PLEKHG3: variants seen among roughly 807,000 people sequenced by gnomAD.
PLEKHG3 encodes pleckstrin homology domain-containing family G member 3.
In PLEKHG3, 62 loss-of-function variants were observed where a neutral mutation model predicts 94.9. The ratio of observed to expected loss-of-function variants is 0.65; its 90% CI spans 0.53 to 0.81. The LOEUF is 0.81. Ranked by LOEUF, PLEKHG3 falls within the 30% of genes least tolerant of loss-of-function variation. PLEKHG3 has a pLI of 0.00. For missense variants in PLEKHG3, 1,461 were observed against 1,619.3 expected, an observed-to-expected ratio of 0.90 and a Z score of 1.68; for synonymous variants, 614 against 654.0, an observed-to-expected ratio of 0.94 and a Z score of 0.93.
Position 64,730,311 on chromosome 14 carries a change from G to A in PLEKHG3, c.518G>A (p.Arg173Lys). 1 of 1,528,568 alleles carries A rather than the reference G, an allele frequency of 6.5e-7. No homozygotes were observed. Among genetic ancestry groups the A allele is most frequent in the Non-Finnish European group, 8.8e-7 (1 of 1,140,034 alleles). 94.7% of individuals were successfully genotyped at this position (1,528,568 alleles called of 1,614,324 possible). A position where few individuals can be genotyped will look rare whatever the true frequency, so the allele number is the denominator to read the frequency against. ...GCTGTGGCCAGCTGCTTTGTGGAAA[G>A]GGTAAGAAGGGCTGGGTCCTTGCCT... ...PVAVASCFVE[R>K]SQEFDIYTQY... Residue 173 changes from arginine (R) to lysine (K), a missense_variant and splice_region_variant, in exon 4 of 17, where the codon AGG (arginine) becomes AAG (lysine). This residue lies in a region of PLEKHG3 where 253 missense variants were observed against 297.8 expected (regional missense o/e 0.85). Transcript: ENST00000247226. This position sits in a 1 kb window ranked among gnomAD's most constrained non-coding sequence, Gnocchi z 5.4.
Position 64,730,986 on chromosome 14 carries a change from G to A in PLEKHG3, c.717+37G>A, listed in dbSNP as rs969791608. Reference sequence around the variant, plus strand: ...GTCCTCCCAAGCACCTAGGGCCTGGGGAGGGCAGGGCCTTCGGGTCAGGGG... The same window carrying A: ...GTCCTCCCAAGCACCTAGGGCCTGGAGAGGGCAGGGCCTTCGGGTCAGGGG... On this transcript the variant is annotated intron_variant, in intron 6 of 16. Transcript: ENST00000247226. The surrounding 1 kb of genome is among the most constrained non-coding windows in gnomAD (Gnocchi z 5.4). The A allele has an allele frequency of 5.0e-6, 8 of 1,613,564 alleles. No homozygotes were observed. In the African/African-American group the frequency reaches 1.1e-4, roughly 22 times the overall value.
Position 64,743,958 on chromosome 14 carries a change from T to C in PLEKHG3, c.*255T>C, listed in dbSNP as rs2081775708. 2 of 377,902 alleles carry C rather than the reference T, an allele frequency of 5.3e-6. No individual in the cohort carries two copies. The highest frequency in any genetic ancestry group is 8.8e-5 in the East Asian group (2 of 22,834). 23.4% of individuals were successfully genotyped at this position (377,902 alleles called of 1,614,324 possible). A position where few individuals can be genotyped will look rare whatever the true frequency, so the allele number is the denominator to read the frequency against. ...GCTTCCCTTGTAAATAGTTGTTCTC[T>C]GGTAAGAAGCCAAATATTTAAGCTC... On this transcript the variant is annotated 3_prime_UTR_variant, in exon 17 of 17. Transcript: ENST00000247226. The surrounding 1 kb of genome is among the most constrained non-coding windows in gnomAD (Gnocchi z 7.2).
In PLEKHG3 at chr14:64,721,656, C is replaced by G. The variant is rs2081264086; in HGVS notation, c.-39-5937C>G. Among the ~76,000 whole-genome samples the G allele has an allele frequency of 6.6e-6, 1 of 152,184 alleles. No homozygotes were observed. The highest frequency in any genetic ancestry group is 6.5e-5 in the Admixed American group (1 of 15,284). The stretch of plus-strand genomic sequence containing the variant: ...GCTCACATGCACACAAAGTCACTCC[C>G]CGGGGAGCCTTCTCTCGCGCTTTAT... On this transcript the variant is annotated intron_variant, in intron 1 of 16. Coordinates refer to ENST00000247226, the MANE Select transcript of PLEKHG3 (RefSeq NM_001308147.2). The surrounding 1 kb of genome is among the most constrained non-coding windows in gnomAD (Gnocchi z 4.3).
In PLEKHG3 at chr14:64,725,097, G is replaced by A. The variant is rs530387360; in HGVS notation, c.-39-2496G>A. 5.3e-5 allele frequency among the ~76,000 whole-genome samples: 8 copies of A among 152,338 alleles called. No individual in the cohort carries two copies. The highest frequency in any genetic ancestry group is 4.1e-4 in the South Asian group (2 of 4,826). On this transcript the variant is annotated intron_variant, in intron 1 of 16. Transcript: ENST00000247226. The surrounding 1 kb of genome is among the most constrained non-coding windows in gnomAD (Gnocchi z 5.0). ...AAAAGACATATTAGTTTCTGGGTTT[G>A]AAGTGTGCTTATGTTGCTATCCTCT...
chr14:64,749,379 A>G lies in PLEKHG3; in HGVS notation c.*5676A>G. The G allele has an allele frequency of 6.2e-7, 1 of 1,610,090 alleles. No individual in the cohort carries two copies. The highest frequency in any genetic ancestry group is 8.5e-7 in the Non-Finnish European group (1 of 1,179,768). Reference sequence around the variant, plus strand: ...GCCGAGGCTGGCGTCGGGGCCGGAGAGGGAAGGCAGGGGCAGGCTCTGCGC... The same window carrying G: ...GCCGAGGCTGGCGTCGGGGCCGGAGGGGGAAGGCAGGGGCAGGCTCTGCGC... On this transcript the variant is annotated 3_prime_UTR_variant, in exon 17 of 17. Coordinates refer to ENST00000247226, the MANE Select transcript of PLEKHG3 (RefSeq NM_001308147.2). This position sits in a 1 kb window ranked among gnomAD's most constrained non-coding sequence, Gnocchi z 4.7.
At chr14:64,734,561 G>A (rs1488529711) in intron 12 of PLEKHG3, among the ~76,000 whole-genome samples, 2 of 152,100 alleles carry the variant, frequency 1.3e-5, no homozygotes, top group Non-Finnish European at 2.9e-5. Flanking sequence ...CAAACTTTAG[G>A]TGTCCAAGGC....
chr14:64,741,762 C>T lies in PLEKHG3; in HGVS notation c.2245C>T (p.Leu749=), dbSNP rs983703173. The change falls in exon 16 of 17, where the codon CTG becomes TTG. Residue 749 remains leucine, a synonymous_variant. Coordinates refer to ENST00000247226, the MANE Select transcript of PLEKHG3 (RefSeq NM_001308147.2). The part of the protein sequence containing the change: ...RESLSYIPKG[L]VRNSISRFNS... ...GAGCCTCTCCTACATCCCCAAAGGA[C>T]TGGTAAGAAACTCCATCTCCAGGTT... 1 of 1,613,334 alleles carries T rather than the reference C, an allele frequency of 6.2e-7. No individual in the cohort carries two copies. Among genetic ancestry groups the T allele is most frequent in the Non-Finnish European group, 8.5e-7 (1 of 1,180,032 alleles).
chr14:64,741,706 A>G lies in PLEKHG3; in HGVS notation c.2189A>G (p.His730Arg), dbSNP rs756554208. 10 of 1,612,924 alleles carry G rather than the reference A, an allele frequency of 6.2e-6. No homozygotes were observed. The highest frequency in any genetic ancestry group is 8.5e-6 in the Non-Finnish European group (10 of 1,180,030). ...AGCTATTATGAAAATGCAGAACACC[A>G]TGATGCAGGCTTCAGCGTCCGTCGC... is the stretch of plus-strand genomic sequence containing the variant. ...IKSYYENAEH[H>R]DAGFSVRRRE... Residue 730 changes from histidine (H) to arginine (R), a missense_variant, in exon 16 of 17, where the codon CAT (histidine) becomes CGT (arginine). Around this residue, in one of 3 missense-constraint regions of PLEKHG3, gnomAD observed 1,201 missense variants for 1,295.5 expected, o/e 0.93. Coordinates refer to ENST00000247226, the MANE Select transcript of PLEKHG3 (RefSeq NM_001308147.2).
rs3063751 is a variant in PLEKHG3 at position 64,717,112 on chromosome 14, C to CGT, written c.-39-10445_-39-10444dup. Among the ~76,000 whole-genome samples the CGT allele has an allele frequency of 0.2, 28,558 of 144,176 alleles. 3,085 individuals carry two copies. The highest frequency in any genetic ancestry group is 0.32 in the East Asian group (1,528 of 4,830). The allele number at this position is 144,176 out of a possible 152,430, so 94.6% of individuals were successfully genotyped here. On this transcript the variant is annotated intron_variant, in intron 1 of 16. Transcript: ENST00000247226. The surrounding 1 kb of genome is among the most constrained non-coding windows in gnomAD (Gnocchi z 4.7). ...GGCTGGCCGCCTTTGGGAATTTACA[C>CGT]GTGTGTGTGTGTGTGTGTGTGTGTG...
At position 64,728,386 on chromosome 14, in the gene PLEKHG3, C is replaced by T. The variant is rs934672131; in HGVS notation, c.351+404C>T. ...ACACCTACCTTGTAGGTGAAGGGCA[C>T]GGAAGGGCAGCTGTGTGGCTGCCAC... is the stretch of plus-strand genomic sequence containing the variant. On this transcript the variant is annotated intron_variant, in intron 2 of 16. Coordinates refer to ENST00000247226, the MANE Select transcript of PLEKHG3 (RefSeq NM_001308147.2). This position sits in a 1 kb window ranked among gnomAD's most constrained non-coding sequence, Gnocchi z 5.9. Among the ~76,000 whole-genome samples the T allele has an allele frequency of 1.3e-5, 2 of 152,250 alleles. No homozygotes were observed. The highest frequency in any genetic ancestry group is 2.9e-5 in the Non-Finnish European group (2 of 68,046).
At chr14:64,705,766 C>A (rs1193496087) in intron 1 of PLEKHG3, among the ~76,000 whole-genome samples, 1 of 152,232 alleles carries the variant, frequency 6.6e-6, no homozygotes, top group African/African-American at 2.4e-5. Flanking sequence ...TTTTCCGGGC[C>A]ATCCTTTGTT....
At chr14:64,735,229 C>T (rs927608331) in intron 12 of PLEKHG3, among the ~76,000 whole-genome samples, 3 of 152,154 alleles carry the variant, frequency 2.0e-5, no homozygotes, top group African/African-American at 4.8e-5. Flanking sequence ...CCCCTCTTCA[C>T]GGTTCTTCTG....
rs189688774 is a variant in PLEKHG3 at position 64,704,947 on chromosome 14, C to T, written c.-40+243C>T. Among the ~76,000 whole-genome samples the T allele has an allele frequency of 5.1e-3, 782 of 152,260 alleles. 4 individuals carry two copies. The highest frequency in any genetic ancestry group is 0.018 in the African/African-American group (738 of 41,550). On this transcript the variant is annotated intron_variant, in intron 1 of 16. Coordinates refer to ENST00000247226, the MANE Select transcript of PLEKHG3 (RefSeq NM_001308147.2). The surrounding 1 kb of genome is among the most constrained non-coding windows in gnomAD (Gnocchi z 5.6). ...GGAGACTTTTTCTGTCTTTTTTTCC[C>T]TCCACTCCGGAAACAAAAGGGGCAA... is the stretch of plus-strand genomic sequence containing the variant.
chr14:64,725,207 T>C lies in PLEKHG3; in HGVS notation c.-39-2386T>C, dbSNP rs145633297. ...AATGGTGTGTGTGTTGGGGTAGGGG[T>C]GGGGCTGTGAGTAATCTTTTGCTTT... On this transcript the variant is annotated intron_variant, in intron 1 of 16. Coordinates refer to ENST00000247226, the MANE Select transcript of PLEKHG3 (RefSeq NM_001308147.2). The surrounding 1 kb of genome is among the most constrained non-coding windows in gnomAD (Gnocchi z 5.0). 4.9e-3 allele frequency among the ~76,000 whole-genome samples: 741 copies of C among 152,178 alleles called. 8 individuals carry two copies. Among genetic ancestry groups the C allele is most frequent in the African/African-American group, 0.017 (714 of 41,512 alleles).
intron 12 of PLEKHG3, among the ~76,000 whole-genome samples, chr14:64,735,348 A>G (rs965949203): frequency 1.3e-4 from 20 of 152,252 alleles, no homozygotes; most frequent in African/African-American, 4.6e-4. Flanking sequence ...GTGGTGGCTC[A>G]CTCCTGTAAT....
At position 64,712,356 on chromosome 14, in the gene PLEKHG3, CA is replaced by C. The variant is rs34815337; in HGVS notation, c.-40+7662del. ...TTTAGGATCAGCTTGTCAATATCTGCAAAAAAAAAATCAGCTATATTTTGAT... is the reference window on the plus strand; with the variant it reads ...TTTAGGATCAGCTTGTCAATATCTGCAAAAAAAAATCAGCTATATTTTGAT... On this transcript the variant is annotated intron_variant, in intron 1 of 16. Coordinates refer to ENST00000247226, the MANE Select transcript of PLEKHG3 (RefSeq NM_001308147.2). Among the ~76,000 whole-genome samples the C allele has an allele frequency of 9.4e-3, 1,383 of 147,042 alleles. 23 individuals carry two copies. The highest frequency in any genetic ancestry group is 0.031 in the African/African-American group (1,254 of 40,228).
Position 64,720,862 on chromosome 14 carries a change from G to T in PLEKHG3, c.-39-6731G>T, listed in dbSNP as rs1190827050. 6.6e-6 allele frequency among the ~76,000 whole-genome samples: 1 copy of T among 152,014 alleles called. No individual in the cohort carries two copies. The stretch of plus-strand genomic sequence containing the variant: ...AGGCTGCCTGTATCCTTGGCTTGTG[G>T]CCCCTTCCTCCATCTTCAAAGCCAG... On this transcript the variant is annotated intron_variant, in intron 1 of 16. Coordinates refer to ENST00000247226, the MANE Select transcript of PLEKHG3 (RefSeq NM_001308147.2). This position sits in a 1 kb window ranked among gnomAD's most constrained non-coding sequence, Gnocchi z 4.1.
In PLEKHG3 at chr14:64,732,542, G is replaced by T; in HGVS notation, c.1246+82G>T. ...GCTGCATCCTGGGGAAGCTTTACCT[G>T]ATAATTTTATTCCAGGAGCAGGGAG... On this transcript the variant is annotated intron_variant, in intron 11 of 16. Transcript: ENST00000247226. This position sits in a 1 kb window ranked among gnomAD's most constrained non-coding sequence, Gnocchi z 4.9. The T allele has an allele frequency of 1.0e-5, 12 of 1,193,706 alleles. No homozygotes were observed. The highest frequency in any genetic ancestry group is 1.3e-5 in the Non-Finnish European group (10 of 799,872). The allele number at this position is 1,193,706 out of a possible 1,614,324, so 73.9% of individuals were successfully genotyped here.
intron 14 of PLEKHG3, chr14:64,737,963 A>G (rs1566713265): frequency 1.7e-6 from 2 of 1,208,206 alleles, no homozygotes; most frequent in Non-Finnish European, 2.1e-6. Flanking sequence ...AGGAAGAGGA[A>G]GAGGAGGAGG....
Sources: gnomAD v4.1 joint callset for allele counts (sites outside exome capture counted in the v4.1 genomes callset) on GRCh38, gnomAD v4.1.1 for gene constraint, gnomAD v4.1.1 regional missense constraint, Gnocchi (gnomAD v3.1) non-coding constraint, MANE v1.5 for transcripts, NCBI Gene and HGNC (gene_info 2026-07-23, HGNC 2026-07-21) for gene names.